HDAC8: variants seen among roughly 807,000 people sequenced by gnomAD.
HDAC8 encodes the protein histone deacetylase 8.
HDAC8 carries 1 observed loss-of-function variant against 32.2 expected under a neutral mutation model. The observed-to-expected ratio is 0.03, with a 90% CI of 0.01 to 0.15. HDAC8 has a LOEUF of 0.15. Among genes scored for constraint, HDAC8 ranks in the 10% least tolerant of loss-of-function variants. The pLI is 1.00. For missense variants in HDAC8, 117 were observed against 300.0 expected (o/e 0.39, Z 4.51); for synonymous variants, 108 against 113.9 (o/e 0.95, Z 0.33).
At chrX:72,444,063 G>A (rs2147991834) in intron 9 of HDAC8, among the ~76,000 whole-genome samples, 1 of 109,752 alleles carries the variant, frequency 9.1e-6, no homozygotes, top group African/African-American at 3.4e-5. Context: ...CAACCAAAAA[G>A]AGTCCAGGAC....
intron 9 of HDAC8, among the ~76,000 whole-genome samples, chrX:72,387,871 CAATAT>C (rs2045489390): frequency 9.1e-6 from 1 of 110,373 alleles, no homozygotes. Context: ...AATTACAATA[CAATAT>C]AATAAGGTCT....
intron 9 of HDAC8, among the ~76,000 whole-genome samples, chrX:72,440,007 T>C (rs1555981003): frequency 8.9e-6 from 1 of 111,956 alleles, no homozygotes; most frequent in East Asian, 2.8e-4. Flanking sequence ...CCACCACAAA[T>C]CAACAGAATA....
chrX:72,474,098 A>G (rs2048261258), intron 7 of HDAC8: 2 of 740,130 alleles, frequency 2.7e-6, no homozygotes, highest in African/African-American at 4.6e-5. Flanking sequence ...ATAAACACTC[A>G]TATACATTCA....
intron 7 of HDAC8, among the ~76,000 whole-genome samples, chrX:72,482,628 C>T (rs1474061840): frequency 9.0e-6 from 1 of 110,877 alleles, no homozygotes; most frequent in Non-Finnish European, 1.9e-5. Flanking sequence ...CTGCAATCCC[C>T]TGAGATAAAG....
At chrX:72,561,436 G>C (rs1439472014) in intron 4 of HDAC8, among the ~76,000 whole-genome samples, 4 of 112,110 alleles carry the variant, frequency 3.6e-5, no homozygotes, top group African/African-American at 1.3e-4. Flanking sequence ...AGTGGGGAAA[G>C]GACACCCTAT....
At chrX:72,366,198 A>G (rs2044692342) in intron 9 of HDAC8, among the ~76,000 whole-genome samples, 1 of 111,885 alleles carries the variant, frequency 8.9e-6, no homozygotes, top group South Asian at 3.7e-4. Context: ...AGATCTGATC[A>G]TGTCATTCCC....
chrX:72,490,045 A>C (rs1261463490), intron 6 of HDAC8, among the ~76,000 whole-genome samples: 5 of 111,651 alleles, frequency 4.5e-5, no homozygotes, highest in African/African-American at 1.6e-4. Flanking sequence ...AATCAAAATC[A>C]CAATGAGACA....
At chrX:72,413,320 A>G (rs1217177404) in intron 9 of HDAC8, among the ~76,000 whole-genome samples, 1 of 80,373 alleles carries the variant, frequency 1.2e-5, no homozygotes, top group Non-Finnish European at 2.2e-5. Context: ...TCCTGTGTCC[A>G]TGTGTTCTCA....
intron 9 of HDAC8, among the ~76,000 whole-genome samples, chrX:72,369,108 G>A (rs1365157941): frequency 1.1e-5 from 1 of 89,497 alleles, no homozygotes; most frequent in African/African-American, 4.3e-5. Flanking sequence ...ACTGCTCCCC[G>A]CCCCCACACC....
intron 4 of HDAC8, among the ~76,000 whole-genome samples, chrX:72,544,364 G>A (rs2050797466): frequency 9.0e-6 from 1 of 111,541 alleles, no homozygotes; most frequent in Non-Finnish European, 1.9e-5. Flanking sequence ...GGCCAGGGCT[G>A]GGGTAGAAAT....
At chrX:72,332,796 C>T (rs1286177651) in intron 10 of HDAC8, among the ~76,000 whole-genome samples, 2 of 110,516 alleles carry the variant, frequency 1.8e-5, no homozygotes, top group East Asian at 5.7e-4. Context: ...GGATTACAGG[C>T]ATGTGCCACC....
At chrX:72,557,277 C>T (rs1175008976) in intron 4 of HDAC8, among the ~76,000 whole-genome samples, 1 of 111,913 alleles carries the variant, frequency 8.9e-6, no homozygotes, top group Admixed American at 9.4e-5. Flanking sequence ...ATGGAACATT[C>T]TCCAAGACAG....
At chrX:72,521,062 T>C (rs1048275405) in intron 4 of HDAC8, among the ~76,000 whole-genome samples, 6 of 112,274 alleles carry the variant, frequency 5.3e-5, no homozygotes, top group African/African-American at 6.5e-5. Flanking sequence ...AATGTGCATT[T>C]TCCTCTTTGT....
chrX:72,480,129 G>A (rs1286568392), intron 7 of HDAC8, among the ~76,000 whole-genome samples: 1 of 111,853 alleles, frequency 8.9e-6, no homozygotes, highest in Non-Finnish European at 1.9e-5. Context: ...CCCCGGAGAG[G>A]CAGGATAAAA....
At chrX:72,394,427 C>T (rs1555964971) in intron 9 of HDAC8, among the ~76,000 whole-genome samples, 1 of 112,342 alleles carries the variant, frequency 8.9e-6, no homozygotes, top group Non-Finnish European at 1.9e-5. Context: ...TGGTAAAAGA[C>T]AACTGAAAGA....
At chrX:72,562,165 C>T (rs2051588671) in intron 4 of HDAC8, among the ~76,000 whole-genome samples, 1 of 112,063 alleles carries the variant, frequency 8.9e-6, no homozygotes, top group Non-Finnish European at 1.9e-5. Context: ...TTTGATTTAG[C>T]AATCCCACTA....
chrX:72,498,203 A>G (rs2049092667), intron 4 of HDAC8, among the ~76,000 whole-genome samples: 1 of 107,702 alleles, frequency 9.3e-6, no homozygotes, highest in African/African-American at 3.4e-5. Context: ...CTTTCACCTT[A>G]TTGAAAGAGA....
At chrX:72,551,664 T>C (rs950146376) in intron 4 of HDAC8, among the ~76,000 whole-genome samples, 4 of 111,562 alleles carry the variant, frequency 3.6e-5, no homozygotes, top group Non-Finnish European at 7.5e-5. Context: ...AGGAGTTTAA[T>C]AGATGTTCGT....
In HDAC8 at chrX:72,473,334, T is replaced by C. The variant is rs1297274042; in HGVS notation, c.738-8603A>G. 7.1e-5 allele frequency: 8 copies of C among 112,243 alleles called. No individual in the cohort carries two copies. In the Admixed American group the frequency reaches 7.6e-4, roughly 11 times the overall value. 9.3% of individuals were successfully genotyped at this position (112,243 alleles called of 1,213,427 possible). A position where few individuals can be genotyped will look rare whatever the true frequency, so the allele number is the denominator to read the frequency against. On this transcript the variant is annotated intron_variant, in intron 7 of 10. Coordinates refer to ENST00000373573, the MANE Select transcript of HDAC8 (RefSeq NM_018486.3). Reference sequence around the variant, plus strand: ...TGCCTGAAAGTTACCTTTCTACATGTCTACATCACAGCCATTCTTTAAAGG... The same window carrying C: ...TGCCTGAAAGTTACCTTTCTACATGCCTACATCACAGCCATTCTTTAAAGG...
Sources: gnomAD v4.1 joint callset for allele counts (sites outside exome capture counted in the v4.1 genomes callset) on GRCh38, gnomAD v4.1.1 for gene constraint, MANE v1.5 for transcripts, NCBI Gene and HGNC (gene_info 2026-07-23, HGNC 2026-07-21) for gene names.